SPON1: variants seen among roughly 807,000 people sequenced by gnomAD.
The protein encoded by SPON1 is spondin 1.
In SPON1, 52 loss-of-function variants were observed where a neutral mutation model predicts 111.7. The ratio of observed to expected loss-of-function variants is 0.47; its 90% CI spans 0.37 to 0.59. The LOEUF is 0.59. Ranked by LOEUF, SPON1 falls within the 20% of genes least tolerant of loss-of-function variation. The pLI, the probability that SPON1 is intolerant of heterozygous loss-of-function variation, is 0.00. For missense variants in SPON1, 957 were observed against 1,068.5 expected, an observed-to-expected ratio of 0.90 and a Z score of 1.46; for synonymous variants, 410 against 395.8, an observed-to-expected ratio of 1.04 and a Z score of -0.43.
At chr11:13,994,392 G>A (rs1043516817) in intron 2 of SPON1, among the ~76,000 whole-genome samples, 1 of 152,096 alleles carries the variant, frequency 6.6e-6, no homozygotes, top group Non-Finnish European at 1.5e-5. Context: ...AAAGGATATG[G>A]ACATTTTTTA....
At chr11:14,179,390 A>T (rs1470011387) in intron 6 of SPON1, among the ~76,000 whole-genome samples, 1 of 152,222 alleles carries the variant, frequency 6.6e-6, no homozygotes, top group Non-Finnish European at 1.5e-5. Flanking sequence ...GGGATTTTAC[A>T]GAACACTCCA....
At chr11:14,191,924 C>A (rs1198785723) in intron 6 of SPON1, among the ~76,000 whole-genome samples, 1 of 152,146 alleles carries the variant, frequency 6.6e-6, no homozygotes, top group Non-Finnish European at 1.5e-5. Flanking sequence ...CAAATGCCAG[C>A]CAGCCATGAA....
At chr11:13,982,989 C>T in intron 2 of SPON1, 36 bp downstream of exon 2, 1 of 1,395,854 alleles carries the variant, frequency 7.2e-7, no homozygotes, top group Non-Finnish European at 9.9e-7. Flanking sequence ...GTGGCCCTCC[C>T]TGCCCTAGGA....
intron 6 of SPON1, among the ~76,000 whole-genome samples, chr11:14,169,767 G>A (rs1479686144): frequency 6.6e-6 from 1 of 152,124 alleles, no homozygotes; most frequent in Non-Finnish European, 1.5e-5. Context: ...TTTCCCCATT[G>A]CTTGTTTTTG....
intron 2 of SPON1, among the ~76,000 whole-genome samples, chr11:14,011,237 C>T (rs556956621): frequency 3.9e-5 from 6 of 152,312 alleles, no homozygotes; most frequent in African/African-American, 1.4e-4. Context: ...CATGTTTCTA[C>T]ATGAGTTTTC....
At chr11:14,209,068 A>G (rs10766170) in intron 6 of SPON1, among the ~76,000 whole-genome samples, 18,834 of 152,114 alleles carry the variant, frequency 0.12, 1,389 homozygotes, top group South Asian at 0.23. Flanking sequence ...CATTCTAAGC[A>G]TCTTATTTTT....
chr11:14,042,367 A>C (rs1441288659), intron 3 of SPON1, among the ~76,000 whole-genome samples: 1 of 150,648 alleles, frequency 6.6e-6, no homozygotes, highest in African/African-American at 2.4e-5. Context: ...TAATACTAGC[A>C]TAATGAAGGT....
intron 5 of SPON1, among the ~76,000 whole-genome samples, chr11:14,112,879 T>C (rs1849236226): frequency 1.3e-5 from 2 of 152,196 alleles, no homozygotes. Context: ...CTGCCAGACC[T>C]GCCTGATGCC....
At chr11:14,100,545 A>G (rs530034605) in intron 5 of SPON1, among the ~76,000 whole-genome samples, 12 of 152,296 alleles carry the variant, frequency 7.9e-5, no homozygotes, top group South Asian at 4.1e-4. Context: ...CATAAACAAA[A>G]CAAGTACTTT....
chr11:13,988,432 A>T (rs186518423), intron 2 of SPON1, among the ~76,000 whole-genome samples: 11 of 152,306 alleles, frequency 7.2e-5, no homozygotes, highest in African/African-American at 2.6e-4. Flanking sequence ...GAAGTTGCTT[A>T]TCAGCTTAAG....
At chr11:14,020,951 C>T (rs1435481401) in intron 2 of SPON1, among the ~76,000 whole-genome samples, 1 of 152,092 alleles carries the variant, frequency 6.6e-6, no homozygotes, top group Non-Finnish European at 1.5e-5. Flanking sequence ...CTGAATATTT[C>T]TGGCACAGAT....
intron 6 of SPON1, among the ~76,000 whole-genome samples, chr11:14,143,547 T>C (rs1847681612): frequency 7.0e-6 from 1 of 142,742 alleles, no homozygotes; most frequent in East Asian, 2.1e-4. Context: ...GGCGACAGAG[T>C]CAGACCCTGT....
intron 10 of SPON1, among the ~76,000 whole-genome samples, chr11:14,257,211 A>G (rs1353387925): frequency 4.6e-5 from 7 of 152,334 alleles, no homozygotes; most frequent in Admixed American, 4.6e-4. Context: ...AATGGGGATA[A>G]TAAAAGAACT....
chr11:14,014,546 G>A (rs1848431010), intron 2 of SPON1, among the ~76,000 whole-genome samples: 1 of 152,214 alleles, frequency 6.6e-6, no homozygotes, highest in Non-Finnish European at 1.5e-5. Context: ...AGTTTGGGAG[G>A]AGAAAGGTCT....
chr11:14,257,867 G>A lies in SPON1; in HGVS notation c.1461G>A (p.Gln487=). The change falls in exon 11 of 16, where the codon CAG becomes CAA. Residue 487 remains glutamine, a synonymous_variant. Transcript: ENST00000576479. Reference sequence around the variant, plus strand: ...CCTGCCCTGACACCCAGGACTTCCAGCCCTGCATGGGCCCTGGCTGCAGTG... The same window carrying A: ...CCTGCCCTGACACCCAGGACTTCCAACCCTGCATGGGCCCTGGCTGCAGTG... ...SVPCPDTQDF[Q]PCMGPGCSDE... 6.3e-7 allele frequency: 1 copy of A among 1,575,416 alleles called. No individual in the cohort carries two copies. The highest frequency in any genetic ancestry group is 1.4e-5 in the African/African-American group (1 of 74,050).
At chr11:13,978,726 T>A (rs1554909258) in intron 1 of SPON1, among the ~76,000 whole-genome samples, 1 of 152,192 alleles carries the variant, frequency 6.6e-6, no homozygotes, top group Non-Finnish European at 1.5e-5. Flanking sequence ...TGGCTGACTT[T>A]TGAAGTTTGC....
rs2133860661 is a variant in SPON1, at chr11:14,135,210, A to G, written c.677-210A>G. Reference sequence around the variant, plus strand: ...GGGCTGCCTCTGCGTCTTGTTCAACATCTGCTGTTGACCTGTCTGTACATT... The same window carrying G: ...GGGCTGCCTCTGCGTCTTGTTCAACGTCTGCTGTTGACCTGTCTGTACATT... On this transcript the variant is annotated intron_variant, in intron 5 of 15. Transcript: ENST00000576479. This position sits in a 1 kb window ranked among gnomAD's most constrained non-coding sequence, Gnocchi z 4.4. The G allele has an allele frequency of 2.1e-6, 1 of 479,916 alleles. No homozygotes were observed. The highest frequency in any genetic ancestry group is 3.7e-6 in the Non-Finnish European group (1 of 272,642). The allele number at this position is 479,916 out of a possible 1,614,324, so 29.7% of individuals were successfully genotyped here.
intron 3 of SPON1, among the ~76,000 whole-genome samples, chr11:14,049,516 A>C (rs1042709689): frequency 3.9e-5 from 6 of 152,172 alleles, no homozygotes; most frequent in Non-Finnish European, 8.8e-5. Flanking sequence ...TATGACCTTC[A>C]CCAGGTTCCT....
At chr11:14,050,528 C>T (rs1420497447) in intron 3 of SPON1, among the ~76,000 whole-genome samples, 1 of 152,174 alleles carries the variant, frequency 6.6e-6, no homozygotes. Flanking sequence ...TTACTGACTC[C>T]TGTTCTAATG....
Sources: gnomAD v4.1 joint callset for allele counts (sites outside exome capture counted in the v4.1 genomes callset) on GRCh38, gnomAD v4.1.1 for gene constraint, Gnocchi (gnomAD v3.1) non-coding constraint, MANE v1.5 for transcripts, NCBI Gene and HGNC (gene_info 2026-07-23, HGNC 2026-07-21) for gene names.